Variants in THSD7B observed in about 807,000 individuals in gnomAD.
The protein encoded by THSD7B is thrombospondin type 1 domain containing 7B.
A neutral mutation model predicts 213.6 loss-of-function variants in THSD7B; 138 were observed. That is an observed-to-expected ratio of 0.65 (90% CI 0.56 to 0.74). The LOEUF (loss-of-function observed/expected upper bound fraction) is 0.74, where lower values mean the gene tolerates loss of function less well. Ranked by LOEUF, THSD7B falls within the 30% of genes least tolerant of loss-of-function variation. The pLI is 0.00. For synonymous variants in THSD7B, 742 were observed against 687.0 expected (o/e 1.08, Z -1.25); for missense variants, 1,931 against 1,991.5 (o/e 0.97, Z 0.58).
At position 137,242,518 on chromosome 2, in the gene THSD7B, T is replaced by C. The variant is rs1470066084; in HGVS notation, c.2212T>C (p.Cys738Arg). ...CTGTTTTCTCCCATGCAAAAAAGAC[T>C]GTATTGTGACTGCTTTCAGTGAGTG... The part of the protein sequence containing the change: ...RPCFLPCKKD[C>R]IVTAFSEWTP... Residue 738 changes from cysteine to arginine, a missense_variant, in exon 10 of 28, where the codon TGT (cysteine) becomes CGT (arginine). Cys to Arg is a radical substitution (Grantham distance 180). Coordinates refer to ENST00000409968, the MANE Select transcript of THSD7B (RefSeq NM_001316349.2). 1 of 1,613,932 alleles carries C rather than the reference T, an allele frequency of 6.2e-7. No individual in the cohort carries two copies. The highest frequency in any genetic ancestry group is 1.1e-5 in the South Asian group (1 of 91,084).
chr2:137,220,941 A>G (rs1033898602), intron 7 of THSD7B, among the ~76,000 whole-genome samples: 1 of 152,206 alleles, frequency 6.6e-6, no homozygotes, highest in Non-Finnish European at 1.5e-5. Context: ...TACAGACTGC[A>G]TCATTTTTTA....
intron 13 of THSD7B, among the ~76,000 whole-genome samples, chr2:137,409,547 C>A (rs967046231): frequency 1.3e-5 from 2 of 152,110 alleles, no homozygotes; most frequent in Non-Finnish European, 2.9e-5. Context: ...GAAGCTTGAG[C>A]AAGAAATCTT....
At chr2:137,088,734 A>G (rs1687889486) in intron 3 of THSD7B, among the ~76,000 whole-genome samples, 1 of 152,200 alleles carries the variant, frequency 6.6e-6, no homozygotes, top group Non-Finnish European at 1.5e-5. Flanking sequence ...TATACATGTG[A>G]CAAAGTACTA....
chr2:137,672,747 A>G (rs1683604859), intron 27 of THSD7B, among the ~76,000 whole-genome samples: 1 of 152,260 alleles, frequency 6.6e-6, no homozygotes, highest in Non-Finnish European at 1.5e-5. Flanking sequence ...AAAGCAATTT[A>G]TAGTAAAACT....
intron 14 of THSD7B, 24 bp downstream of exon 14, chr2:137,411,896 CA>C: frequency 1.2e-6 from 2 of 1,612,138 alleles, no homozygotes; most frequent in Non-Finnish European, 1.7e-6. Context: ...TGGAGAGTAA[CA>C]GATGAGAACA....
chr2:137,068,481 G>T (rs1254177260), intron 3 of THSD7B, among the ~76,000 whole-genome samples: 1 of 152,000 alleles, frequency 6.6e-6, no homozygotes, highest in Non-Finnish European at 1.5e-5. Flanking sequence ...ACAGTTACGT[G>T]ATCCCATAGT....
intron 1 of THSD7B, among the ~76,000 whole-genome samples, chr2:136,875,452 G>A (rs1468659568): frequency 6.6e-6 from 1 of 151,624 alleles, no homozygotes; most frequent in Admixed American, 6.6e-5. Context: ...AATCCATTCT[G>A]CACTTTCCGT....
intron 2 of THSD7B, among the ~76,000 whole-genome samples, chr2:136,996,424 C>T (rs1472816349): frequency 6.6e-6 from 1 of 151,866 alleles, no homozygotes; most frequent in Non-Finnish European, 1.5e-5. Context: ...TCATTGCAGC[C>T]TGAAACCCCC....
At chr2:137,263,262 A>AAT (rs199954462) in intron 10 of THSD7B, among the ~76,000 whole-genome samples, 5,056 of 151,084 alleles carry the variant, frequency 0.033, 91 homozygotes, top group East Asian at 0.052. Flanking sequence ...CTATATATAT[A>AAT]ATATATATAT....
chr2:137,345,880 G>GAC (rs148070901), intron 12 of THSD7B, among the ~76,000 whole-genome samples: 32 of 151,220 alleles, frequency 2.1e-4, no homozygotes, highest in African/African-American at 7.0e-4. Context: ...TATATGAACA[G>GAC]ACACACACAC....
chr2:137,496,625 C>T lies in THSD7B; in HGVS notation c.3138+45602C>T, dbSNP rs146412425. Among the ~76,000 whole-genome samples, 741 of 152,184 alleles carry T rather than the reference C, an allele frequency of 4.9e-3. 4 individuals are homozygous for T. Among genetic ancestry groups the T allele is most frequent in the African/African-American group, 0.017 (704 of 41,528 alleles). The stretch of plus-strand genomic sequence containing the variant: ...CCTTCAACTGCACGTTTAAAAACCA[C>T]GGGCAATATTTGCTCTCTTTTGGCA... On this transcript the variant is annotated intron_variant, in intron 15 of 27. Transcript: ENST00000409968.
chr2:137,211,123 A>C (rs1681093284), intron 7 of THSD7B, among the ~76,000 whole-genome samples: 1 of 151,984 alleles, frequency 6.6e-6, no homozygotes, highest in African/African-American at 2.4e-5. Context: ...AGTGTTTCAA[A>C]GGTATCGGCG....
intron 15 of THSD7B, among the ~76,000 whole-genome samples, chr2:137,479,187 G>C (rs1688251779): frequency 6.6e-6 from 1 of 152,174 alleles, no homozygotes; most frequent in South Asian, 2.1e-4. Context: ...TGTTAGTGGT[G>C]GCTGCAATGG....
At chr2:136,990,369 TTG>T (rs1278149196) in intron 2 of THSD7B, among the ~76,000 whole-genome samples, 2 of 152,140 alleles carry the variant, frequency 1.3e-5, no homozygotes, top group African/African-American at 4.8e-5. Context: ...GAGTAGATCG[TTG>T]TGTCAGCCCA....
intron 12 of THSD7B, among the ~76,000 whole-genome samples, chr2:137,278,879 G>A (rs904724957): frequency 5.9e-5 from 9 of 152,114 alleles, no homozygotes; most frequent in Admixed American, 3.3e-4. Flanking sequence ...AAGTGTTGTA[G>A]ATAAGAGGTA....
chr2:136,908,217 T>C (rs1188586177), intron 2 of THSD7B, among the ~76,000 whole-genome samples: 5 of 152,216 alleles, frequency 3.3e-5, no homozygotes, highest in Non-Finnish European at 1.5e-5. Context: ...AAATTAATAA[T>C]AAATAAGTCA....
At position 137,537,105 on chromosome 2, in the gene THSD7B, T is replaced by C. The variant is rs1039026372; in HGVS notation, c.3139-26116T>C. Among the ~76,000 whole-genome samples the C allele has an allele frequency of 8.6e-5, 13 of 151,916 alleles. 1 individual carries two copies. Among genetic ancestry groups the C allele is most frequent in the Middle Eastern group, 3.4e-3 (1 of 294 alleles). On this transcript the variant is annotated intron_variant, in intron 15 of 27. Transcript: ENST00000409968. The stretch of plus-strand genomic sequence containing the variant: ...GTGAAGCAAGTGATACACCCAAGTT[T>C]TGATGATCATTGATCTAAATTCCAA...
chr2:137,376,381 C>A (rs946023882), intron 12 of THSD7B, among the ~76,000 whole-genome samples: 13 of 152,206 alleles, frequency 8.5e-5, no homozygotes, highest in African/African-American at 2.9e-4. Context: ...TTTGGCCCAA[C>A]TCTTCCCTGT....
intron 7 of THSD7B, among the ~76,000 whole-genome samples, chr2:137,203,582 CT>C (rs1205771244): frequency 6.6e-6 from 1 of 151,734 alleles, no homozygotes; most frequent in African/African-American, 2.4e-5. Flanking sequence ...GAAAAAAAAC[CT>C]TTTTTTATTT....
Sources: allele counts gnomAD v4.1 joint callset (sites outside exome capture counted in the v4.1 genomes callset), GRCh38; gene constraint gnomAD v4.1.1; transcripts MANE v1.5; gene names NCBI Gene and HGNC (gene_info 2026-07-23, HGNC 2026-07-21).